MSL2: variants seen among roughly 807,000 people sequenced by gnomAD.
MSL2 encodes E3 ubiquitin-protein ligase MSL2.
MSL2 carries 2 observed loss-of-function variants against 35.8 expected under a neutral mutation model. That is an observed-to-expected ratio of 0.06 (90% CI 0.02 to 0.18). The LOEUF (loss-of-function observed/expected upper bound fraction) is 0.18. Among genes scored for constraint, MSL2 ranks in the 10% least tolerant of loss-of-function variants. The probability of loss-of-function intolerance (pLI) is 1.00; values close to 1 mark genes in which losing one functional copy is unlikely to be tolerated. For missense variants in MSL2, 523 were observed against 706.7 expected, an observed-to-expected ratio of 0.74 and a Z score of 2.95; for synonymous variants, 296 against 255.7, an observed-to-expected ratio of 1.16 and a Z score of -1.50.
intron 1 of MSL2, among the ~76,000 whole-genome samples, chr3:136,180,074 A>G (rs1261162431): frequency 6.6e-6 from 1 of 152,176 alleles, no homozygotes; most frequent in African/African-American, 2.4e-5. Flanking sequence ...CAAAAAAAAA[A>G]TAAAAAATAA....
chr3:136,155,532 A>T (rs914065340), intron 1 of MSL2: 6 of 188,116 alleles, frequency 3.2e-5, no homozygotes, highest in African/African-American at 1.2e-4. Context: ...AAATAAATTT[A>T]AAAAAAGAAA....
chr3:136,167,492 A>ATTTCTCCT (rs1345939368), intron 1 of MSL2, among the ~76,000 whole-genome samples: 4 of 152,240 alleles, frequency 2.6e-5, no homozygotes, highest in African/African-American at 9.6e-5. Flanking sequence ...GCCTCTCTCC[A>ATTTCTCCT]TAATTCTTTT....
chr3:136,152,699 G>T lies in MSL2; in HGVS notation c.182C>A (p.Thr61Asn). ...AGTTTTGCAGACATAATGTTGGCAG[G>T]TGGAGTTGGTGGGTGCAATAGGATC... ...LQDPIAPTNS[T>N]CQHYVCKTCK... Residue 61 changes from threonine to asparagine, a missense_variant, in exon 2 of 2, where the codon ACC (threonine) becomes AAC (asparagine). By Grantham distance (65) the Thr-to-Asn change is moderately conservative. Transcript: ENST00000309993. 2 of 1,614,146 alleles carry T rather than the reference G, an allele frequency of 1.2e-6. No individual in the cohort carries two copies. Among genetic ancestry groups the T allele is most frequent in the Non-Finnish European group, 1.7e-6 (2 of 1,180,024 alleles).
At chr3:136,162,130 G>A (rs1939723732) in intron 1 of MSL2, among the ~76,000 whole-genome samples, 1 of 151,796 alleles carries the variant, frequency 6.6e-6, no homozygotes, top group Non-Finnish European at 1.5e-5. Flanking sequence ...TAGAGACGGG[G>A]TCTCACCATG....
intron 1 of MSL2, among the ~76,000 whole-genome samples, chr3:136,193,780 G>A (rs1940757142): frequency 6.6e-6 from 1 of 152,036 alleles, no homozygotes; most frequent in African/African-American, 2.4e-5. Context: ...ATTCCTCTAA[G>A]GTGTTAAGTG....
rs1286563760 is a variant in MSL2 at position 136,195,843 on chromosome 3, G to A, written c.-730C>T. On this transcript the variant is annotated 5_prime_UTR_variant, in exon 1 of 2. Coordinates refer to ENST00000309993, the MANE Select transcript of MSL2 (RefSeq NM_018133.4). ...CCCGGAGGGGAAGGCCGGGGAGGAA[G>A]TGCGCGGGCCGCCGCCGGCGGGCGG... 2.0e-5 allele frequency: 20 copies of A among 983,578 alleles called. No individual in the cohort carries two copies. The highest frequency in any genetic ancestry group is 2.4e-5 in the Non-Finnish European group (20 of 828,730). The allele number at this position is 983,578 out of a possible 1,614,324, so 60.9% of individuals were successfully genotyped here.
At chr3:136,194,853 G>A in intron 1 of MSL2, 119 bp downstream of exon 1, 1 of 1,463,526 alleles carries the variant, frequency 6.8e-7, no homozygotes, top group Non-Finnish European at 9.3e-7. Context: ...ACCGTACAGC[G>A]CTGCACAAAT....
chr3:136,180,783 AGGGAGGGAGGGAGGGAGGGAGGGAG>A (rs1940323738), intron 1 of MSL2, among the ~76,000 whole-genome samples: 1 of 48,178 alleles, frequency 2.1e-5, no homozygotes, highest in Non-Finnish European at 4.0e-5. Context: ...GGAGGGAGGG[AGGGAGGGAGGGAGGGAGGGAGGGAG>A]GGAAGGAGGG....
At chr3:136,187,158 A>G (rs2108093187) in intron 1 of MSL2, among the ~76,000 whole-genome samples, 1 of 152,354 alleles carries the variant, frequency 6.6e-6, no homozygotes, top group African/African-American at 2.4e-5. Context: ...ATACTCACCA[A>G]CTTAAGACTA....
chr3:136,159,386 C>T (rs979832301), intron 1 of MSL2, among the ~76,000 whole-genome samples: 3 of 87,220 alleles, frequency 3.4e-5, no homozygotes, highest in Non-Finnish European at 6.0e-5. Context: ...TTTTTTGAGA[C>T]GGATTCTCGC....
intron 1 of MSL2, among the ~76,000 whole-genome samples, chr3:136,161,743 T>A (rs1232232047): frequency 6.6e-6 from 1 of 152,148 alleles, no homozygotes; most frequent in African/African-American, 2.4e-5. Flanking sequence ...TTTAGGGGGA[T>A]GAAAGTGTTC....
Position 136,193,828 on chromosome 3 carries a change from A to G in MSL2, c.142+1144T>C, listed in dbSNP as rs113896033. On this transcript the variant is annotated intron_variant, in intron 1 of 1. Coordinates refer to ENST00000309993, the MANE Select transcript of MSL2 (RefSeq NM_018133.4). ...CAGAGTAGCACTTAATGACTTACTCAGTTACTTAAATGTTTATGACCTTAA... is the reference window on the plus strand; with the variant it reads ...CAGAGTAGCACTTAATGACTTACTCGGTTACTTAAATGTTTATGACCTTAA... Among the ~76,000 whole-genome samples, 5 of 152,300 alleles carry G rather than the reference A, an allele frequency of 3.3e-5. 1 individual carries two copies. The highest frequency in any genetic ancestry group is 1.2e-4 in the African/African-American group (5 of 41,558).
In MSL2 at chr3:136,172,340, A is replaced by G. The variant is rs149846074; in HGVS notation, c.143-19602T>C. On this transcript the variant is annotated intron_variant, in intron 1 of 1. Coordinates refer to ENST00000309993, the MANE Select transcript of MSL2 (RefSeq NM_018133.4). ...CTACGTAAATCCTCCTCTCCCTCCA[A>G]TGCTTTGGCTCACATACCTCCCATA... Among the ~76,000 whole-genome samples the G allele has an allele frequency of 7.4e-3, 1,130 of 151,724 alleles. 18 individuals carry two copies. The highest frequency in any genetic ancestry group is 0.026 in the African/African-American group (1,068 of 41,294).
At chr3:136,182,317 G>A (rs1940390403) in intron 1 of MSL2, among the ~76,000 whole-genome samples, 1 of 152,202 alleles carries the variant, frequency 6.6e-6, no homozygotes, top group Non-Finnish European at 1.5e-5. Flanking sequence ...GGTTTAGAAT[G>A]TGATCTTATT....
chr3:136,177,680 T>TAAAAA (rs397738424), intron 1 of MSL2, among the ~76,000 whole-genome samples: 8 of 78,442 alleles, frequency 1.0e-4, no homozygotes, highest in African/African-American at 3.3e-4. Context: ...CTCCGTCTCA[T>TAAAAA]AAAAAAAAAA....
intron 1 of MSL2, among the ~76,000 whole-genome samples, chr3:136,162,454 G>A (rs1375901048): frequency 2.0e-5 from 3 of 151,976 alleles, no homozygotes; most frequent in Non-Finnish European, 2.9e-5. Context: ...ACGCTGGCAC[G>A]CACCTTAGTC....
At position 136,149,625 on chromosome 3, in the gene MSL2, CA is replaced by C. The variant is rs1350620705; in HGVS notation, c.*1521del. 9.8e-6 allele frequency: 1 copy of C among 102,460 alleles called. No homozygotes were observed. Among genetic ancestry groups the C allele is most frequent in the Non-Finnish European group, 1.9e-5 (1 of 51,958 alleles). 6.3% of individuals were successfully genotyped at this position (102,460 alleles called of 1,614,324 possible). A position where few individuals can be genotyped will look rare whatever the true frequency, so the allele number is the denominator to read the frequency against. On this transcript the variant is annotated 3_prime_UTR_variant, in exon 2 of 2. Coordinates refer to ENST00000309993, the MANE Select transcript of MSL2 (RefSeq NM_018133.4). ...AGAAAAAAAAGCCCAACAACAACAA[CA>C]AAAACAACTCTACCTGACCACATTC...
intron 1 of MSL2, among the ~76,000 whole-genome samples, chr3:136,193,027 G>A (rs1940734671): frequency 6.6e-6 from 1 of 152,156 alleles, no homozygotes; most frequent in South Asian, 2.1e-4. Context: ...GGGAGAAGCA[G>A]AACTCACGAT....
intron 1 of MSL2, among the ~76,000 whole-genome samples, chr3:136,157,838 T>A: frequency 6.6e-6 from 1 of 152,224 alleles, no homozygotes. Context: ...ATAAAAGTTT[T>A]AAATAGCCAC....
Sources: gnomAD v4.1 joint callset for allele counts (sites outside exome capture counted in the v4.1 genomes callset) on GRCh38, gnomAD v4.1.1 for gene constraint, MANE v1.5 for transcripts, NCBI Gene and HGNC (gene_info 2026-07-23, HGNC 2026-07-21) for gene names.